Variants in CPED1 observed in about 807,000 individuals in gnomAD.
CPED1 encodes the protein cadherin like and PC-esterase domain containing 1, also known as cadherin-like and PC-esterase domain-containing protein 1.
A neutral mutation model predicts 128.2 loss-of-function variants in CPED1; 114 were observed. The observed-to-expected ratio is 0.89, with a 90% CI of 0.76 to 1.04. The LOEUF (loss-of-function observed/expected upper bound fraction) is 1.04. CPED1 is among the 50% of genes least tolerant of loss of function. The pLI is 0.00. For missense variants in CPED1, 1,211 were observed against 1,207.1 expected (o/e 1.00, Z -0.05); for synonymous variants, 462 against 426.7 (o/e 1.08, Z -1.02).
At chr7:121,117,111 A>G (rs1317479632) in intron 7 of CPED1, among the ~76,000 whole-genome samples, 3 of 145,750 alleles carry the variant, frequency 2.1e-5, no homozygotes, top group East Asian at 2.0e-4. Context: ...ATATATATAT[A>G]TATGTTTGAG....
intron 22 of CPED1, among the ~76,000 whole-genome samples, chr7:121,283,519 A>C (rs1308666786): frequency 6.6e-6 from 1 of 152,252 alleles, no homozygotes; most frequent in African/African-American, 2.4e-5. Flanking sequence ...TTAGATTTCT[A>C]GTCACTAAGA....
intron 2 of CPED1, among the ~76,000 whole-genome samples, chr7:120,994,242 A>G (rs1796356152): frequency 2.0e-5 from 3 of 152,142 alleles, no homozygotes; most frequent in African/African-American, 2.4e-5. Context: ...AAAATGTTGT[A>G]ATTATCTCAC....
chr7:121,168,258 C>G (rs1237863699), intron 16 of CPED1, among the ~76,000 whole-genome samples: 1 of 152,156 alleles, frequency 6.6e-6, no homozygotes, highest in East Asian at 1.9e-4. Flanking sequence ...TTTAAACTTT[C>G]TCTTTCACTT....
chr7:121,293,666 G>A (rs893508249), intron 22 of CPED1, among the ~76,000 whole-genome samples: 1 of 152,140 alleles, frequency 6.6e-6, no homozygotes, highest in African/African-American at 2.4e-5. Flanking sequence ...CCTGGTCTGC[G>A]GGTTGCGAAG....
At chr7:121,216,605 C>A (rs10215022) in intron 16 of CPED1, among the ~76,000 whole-genome samples, 11,943 of 151,908 alleles carry the variant, frequency 0.079, 596 homozygotes, top group African/African-American at 0.14. Flanking sequence ...ATATAGAACT[C>A]TATATAGAAC....
At chr7:121,056,313 T>C (rs1167433850) in intron 4 of CPED1, among the ~76,000 whole-genome samples, 2 of 152,166 alleles carry the variant, frequency 1.3e-5, no homozygotes, top group South Asian at 4.1e-4. Context: ...AAAATACTGT[T>C]TTAGGGAAGG....
intron 16 of CPED1, among the ~76,000 whole-genome samples, chr7:121,144,589 G>A (rs1288004485): frequency 9.2e-5 from 14 of 151,914 alleles, no homozygotes; most frequent in Admixed American, 2.6e-4. Context: ...AACACCAATA[G>A]AAGGAATAAG....
chr7:121,190,341 G>A (rs1034843129), intron 16 of CPED1, among the ~76,000 whole-genome samples: 7 of 144,434 alleles, frequency 4.8e-5, no homozygotes, highest in Admixed American at 7.1e-5. Context: ...GCAGTGAGCC[G>A]AGATCGCGCC....
At position 121,197,832 on chromosome 7, in the gene CPED1, A is replaced by T. The variant is rs142196288; in HGVS notation, c.2056-38882A>T. Among the ~76,000 whole-genome samples, 498 of 152,254 alleles carry T rather than the reference A, an allele frequency of 3.3e-3. 2 individuals are homozygous for T. The highest frequency in any genetic ancestry group is 0.011 in the African/African-American group (444 of 41,548). On this transcript the variant is annotated intron_variant, in intron 16 of 22. Coordinates refer to ENST00000310396, the MANE Select transcript of CPED1 (RefSeq NM_024913.5). Reference sequence around the variant, plus strand: ...GAGCCTGGCAGCACAAGAGTAGCAAAGCAAGCTGTCCAAATTGCCTCATCT... The same window carrying T: ...GAGCCTGGCAGCACAAGAGTAGCAATGCAAGCTGTCCAAATTGCCTCATCT...
chr7:121,015,547 A>G, intron 2 of CPED1, 118 bp from the exon 3 acceptor site: 2 of 890,186 alleles, frequency 2.2e-6, no homozygotes, highest in South Asian at 1.9e-5. Context: ...ACTGCCTTTC[A>G]CTTCTAGAGA....
chr7:121,133,545 T>C (rs747998767), intron 12 of CPED1, among the ~76,000 whole-genome samples: 3 of 152,112 alleles, frequency 2.0e-5, no homozygotes, highest in Non-Finnish European at 4.4e-5. Flanking sequence ...TCACTTCTAT[T>C]GGACCCAAGC....
At chr7:121,172,928 A>G (rs1796687867) in intron 16 of CPED1, among the ~76,000 whole-genome samples, 1 of 152,186 alleles carries the variant, frequency 6.6e-6, no homozygotes, top group South Asian at 2.1e-4. Context: ...TAATAGCTTC[A>G]AAGTTTATAC....
At chr7:121,021,738 C>T (rs754781310) in intron 3 of CPED1, among the ~76,000 whole-genome samples, 3 of 151,904 alleles carry the variant, frequency 2.0e-5, no homozygotes, top group Non-Finnish European at 4.4e-5. Context: ...TTCTCATCTA[C>T]AAGTTGATCC....
intron 2 of CPED1, among the ~76,000 whole-genome samples, chr7:121,001,061 T>G (rs1422139997): frequency 6.6e-6 from 1 of 152,194 alleles, no homozygotes; most frequent in East Asian, 1.9e-4. Flanking sequence ...TACATTATAT[T>G]TTCTTCAATA....
At chr7:121,246,476 G>A (rs753969430) in intron 18 of CPED1, among the ~76,000 whole-genome samples, 1 of 152,142 alleles carries the variant, frequency 6.6e-6, no homozygotes, top group Non-Finnish European at 1.5e-5. Context: ...CCCTCTTCCT[G>A]GCTTCTGTTG....
intron 5 of CPED1, among the ~76,000 whole-genome samples, chr7:121,069,000 C>T (rs189652704): frequency 1.3e-5 from 2 of 152,188 alleles, no homozygotes; most frequent in Admixed American, 1.3e-4. Flanking sequence ...GTGAGTATGC[C>T]TACCATTTGC....
chr7:121,189,355 G>T (rs1003168339), intron 16 of CPED1, among the ~76,000 whole-genome samples: 2 of 152,126 alleles, frequency 1.3e-5, no homozygotes, highest in African/African-American at 4.8e-5. Context: ...AAGCCTAAAC[G>T]TAGTTACAAT....
intron 7 of CPED1, 86 bp from the exon 8 acceptor site, chr7:121,124,235 GATAACCTAGA>G: frequency 8.7e-7 from 1 of 1,144,416 alleles, no homozygotes; most frequent in Non-Finnish European, 1.2e-6. Context: ...GACAAGTAGA[GATAACCTAGA>G]ACAATCCTTC....
At chr7:121,173,809 C>T (rs552793157) in intron 16 of CPED1, among the ~76,000 whole-genome samples, 9 of 152,064 alleles carry the variant, frequency 5.9e-5, no homozygotes, top group Non-Finnish European at 1.3e-4. Context: ...AATTGCCTGA[C>T]TGCTTTCCAT....
Sources: gnomAD v4.1 joint callset for allele counts (sites outside exome capture counted in the v4.1 genomes callset) on GRCh38, gnomAD v4.1.1 for gene constraint, MANE v1.5 for transcripts, NCBI Gene and HGNC (gene_info 2026-07-23, HGNC 2026-07-21) for gene names.